WDR64: variants seen among roughly 807,000 people sequenced by gnomAD.
WDR64 encodes WD repeat domain 64.
A neutral mutation model predicts 139.3 loss-of-function variants in WDR64; 112 were observed. The observed-to-expected ratio is 0.80, with a 90% CI of 0.69 to 0.94. WDR64 has a LOEUF of 0.94. Ranked by LOEUF, WDR64 falls within the 40% of genes least tolerant of loss-of-function variation. WDR64 has a pLI of 0.00. For missense variants in WDR64, 1,206 were observed against 1,293.1 expected, an observed-to-expected ratio of 0.93 and a Z score of 1.03; for synonymous variants, 444 against 437.7, an observed-to-expected ratio of 1.01 and a Z score of -0.18.
chr1:241,755,959 C>T (rs372435774), intron 14 of WDR64, among the ~76,000 whole-genome samples: 1 of 152,156 alleles, frequency 6.6e-6, no homozygotes, highest in South Asian at 2.1e-4. Flanking sequence ...GTTTTAGTTA[C>T]TGTAGCCTTG....
chr1:241,700,672 G>A (rs1011842831), intron 8 of WDR64, among the ~76,000 whole-genome samples: 8 of 152,186 alleles, frequency 5.3e-5, no homozygotes, highest in African/African-American at 4.8e-5. Context: ...TGTTGGCCAT[G>A]TGGTCTTGGG....
At chr1:241,701,004 T>G (rs1197570192) in intron 8 of WDR64, among the ~76,000 whole-genome samples, 2 of 152,178 alleles carry the variant, frequency 1.3e-5, no homozygotes, top group Non-Finnish European at 2.9e-5. Flanking sequence ...ATGCCAACAT[T>G]CCCTTTGTTC....
At chr1:241,693,539 A>G (rs1276473994) in intron 8 of WDR64, among the ~76,000 whole-genome samples, 2 of 152,156 alleles carry the variant, frequency 1.3e-5, no homozygotes, top group Non-Finnish European at 2.9e-5. Flanking sequence ...CCTAATGTAA[A>G]CTATGGACTT....
At position 241,652,637 on chromosome 1, in the gene WDR64, C is replaced by A; in HGVS notation, c.145+8C>A. ...TATTTATCCATAAAGAAGGTAAGAT[C>A]AGTGATTACACGATAGTCCAATTGG... On this transcript the variant is annotated splice_region_variant and intron_variant, in intron 1 of 27. Coordinates refer to ENST00000437684, the MANE Select transcript of WDR64 (RefSeq NM_001367482.1). 1 of 1,551,404 alleles carries A rather than the reference C, an allele frequency of 6.4e-7. No homozygotes were observed. The highest frequency in any genetic ancestry group is 1.2e-5 in the South Asian group (1 of 83,980).
chr1:241,697,779 A>G (rs923540520), intron 8 of WDR64, among the ~76,000 whole-genome samples: 10 of 152,008 alleles, frequency 6.6e-5, no homozygotes, highest in Non-Finnish European at 1.3e-4. Flanking sequence ...ATTCTCTCTA[A>G]TGTAGCTTCT....
intron 8 of WDR64, among the ~76,000 whole-genome samples, chr1:241,698,796 A>G (rs1200889141): frequency 1.3e-5 from 2 of 152,172 alleles, no homozygotes; most frequent in Non-Finnish European, 2.9e-5. Context: ...GATAGGTTAG[A>G]TACCCTTTTC....
intron 8 of WDR64, among the ~76,000 whole-genome samples, chr1:241,707,495 C>T (rs943698214): frequency 2.0e-5 from 3 of 152,180 alleles, no homozygotes; most frequent in South Asian, 2.1e-4. Flanking sequence ...CTTTCCAATA[C>T]AAAATTTTAT....
At chr1:241,796,104 A>G (rs1234239130) in intron 26 of WDR64, among the ~76,000 whole-genome samples, 153 bp from the exon 27 acceptor site, 1 of 152,188 alleles carries the variant, frequency 6.6e-6, no homozygotes, top group African/African-American at 2.4e-5. Context: ...AAAAAATAAA[A>G]TAAAATAAAG....
chr1:241,685,848 A>C (rs1319946305), intron 7 of WDR64, among the ~76,000 whole-genome samples: 1 of 152,172 alleles, frequency 6.6e-6, no homozygotes, highest in Non-Finnish European at 1.5e-5. Context: ...ATATACTATT[A>C]AGCATTTCAT....
rs1199214130 is a variant in WDR64 at position 241,703,986 on chromosome 1, G to C, written c.975-7816G>C. Among the ~76,000 whole-genome samples the C allele has an allele frequency of 6.6e-6, 1 of 152,136 alleles. No individual in the cohort carries two copies. Among genetic ancestry groups the C allele is most frequent in the African/African-American group, 2.4e-5 (1 of 41,412 alleles). ...CCATGAACCAATCACCTCCCACTAGGTTCCTTCCTCAATACTTGGGGATTA... is the reference window on the plus strand; with the variant it reads ...CCATGAACCAATCACCTCCCACTAGCTTCCTTCCTCAATACTTGGGGATTA... On this transcript the variant is annotated intron_variant, in intron 8 of 27. Transcript: ENST00000437684. The surrounding 1 kb of genome is among the most constrained non-coding windows in gnomAD (Gnocchi z 5.9).
intron 8 of WDR64, among the ~76,000 whole-genome samples, chr1:241,711,236 CAAA>C (rs34264828): frequency 2.2e-5 from 3 of 139,258 alleles, no homozygotes; most frequent in Admixed American, 7.2e-5. Flanking sequence ...GACCTTGTCT[CAAA>C]AAAAAAAAAA....
intron 27 of WDR64, among the ~76,000 whole-genome samples, chr1:241,798,555 A>G (rs566457630): frequency 6.6e-5 from 10 of 152,238 alleles, no homozygotes; most frequent in Non-Finnish European, 1.3e-4. Context: ...GTTTCATAAA[A>G]ATACTTCCAA....
chr1:241,797,365 C>T (rs557073740), intron 27 of WDR64, among the ~76,000 whole-genome samples: 2 of 152,260 alleles, frequency 1.3e-5, no homozygotes, highest in East Asian at 3.9e-4. Flanking sequence ...GTTCTAGAAG[C>T]TCTCAGGGGC....
At chr1:241,789,132 A>AT (rs1659141650) in intron 24 of WDR64, among the ~76,000 whole-genome samples, 1 of 152,128 alleles carries the variant, frequency 6.6e-6, no homozygotes, top group Non-Finnish European at 1.5e-5. Flanking sequence ...CTAATGGAGA[A>AT]TATCACAAGC....
chr1:241,734,879 G>C (rs534345003), intron 10 of WDR64, among the ~76,000 whole-genome samples: 3 of 152,154 alleles, frequency 2.0e-5, no homozygotes, highest in Admixed American at 6.5e-5. Flanking sequence ...AGCTAGGTTT[G>C]TGTAAGTATA....
At position 241,801,213 on chromosome 1, in the gene WDR64, T is replaced by TA. The variant is rs764439643; in HGVS notation, c.3276dup. 44 of 1,612,632 alleles carry TA rather than the reference T, an allele frequency of 2.7e-5. No homozygotes were observed. Among genetic ancestry groups the TA allele is most frequent in the Admixed American group, 3.3e-5 (2 of 59,938 alleles). ...TTCCTTCTTCCCAGCTATACCCAAGTAAGGAGAAAAAATCAGAAATGGCTG... is the reference window on the plus strand; with the variant it reads ...TTCCTTCTTCCCAGCTATACCCAAGTAAAGGAGAAAAAATCAGAAATGGCTG... The part of the protein sequence containing the change: ...ASSFFPAIPK[*] Residue 1092 remains the stop codon, a frameshift_variant and stop_retained_variant, in exon 28 of 28, where the codon TAA becomes TAAA. Transcript: ENST00000437684. LOFTEE classifies it high-confidence loss of function.
intron 14 of WDR64, among the ~76,000 whole-genome samples, chr1:241,753,685 C>T (rs754388913): frequency 7.9e-5 from 12 of 152,090 alleles, no homozygotes; most frequent in Non-Finnish European, 1.5e-4. Flanking sequence ...GACTGGGCGA[C>T]AGAGCAAGGC....
intron 23 of WDR64, 113 bp from the exon 24 acceptor site, chr1:241,787,736 G>C: frequency 1.1e-6 from 1 of 873,970 alleles, no homozygotes; most frequent in Non-Finnish European, 1.7e-6. Flanking sequence ...TTGAACCCAA[G>C]TAAAAAAATC....
chr1:241,713,376 G>A (rs1174602560), intron 9 of WDR64, among the ~76,000 whole-genome samples: 1 of 135,176 alleles, frequency 7.4e-6, no homozygotes, highest in African/African-American at 2.8e-5. Flanking sequence ...AGGGAGGAAG[G>A]GAAGGAAAGG....
Sources: gnomAD v4.1 joint callset for allele counts (sites outside exome capture counted in the v4.1 genomes callset) on GRCh38, gnomAD v4.1.1 for gene constraint, Gnocchi (gnomAD v3.1) non-coding constraint, MANE v1.5 for transcripts, NCBI Gene and HGNC (gene_info 2026-07-23, HGNC 2026-07-21) for gene names.